The following GM2A variants were observed in gnomAD, a reference collection of about 807,000 sequenced individuals.
GM2A encodes GM2 ganglioside activator.
Under a neutral mutation model 12.9 loss-of-function variants are expected in GM2A, and 7 were observed. The ratio of observed to expected loss-of-function variants is 0.54; its 90% CI spans 0.31 to 1.02. GM2A has a LOEUF of 1.02. Among genes scored for constraint, GM2A ranks in the 50% least tolerant of loss-of-function variants. GM2A has a pLI of 0.05. For synonymous variants in GM2A, 101 were observed against 96.0 expected, an observed-to-expected ratio of 1.05 and a Z score of -0.30; for missense variants, 246 against 241.0, an observed-to-expected ratio of 1.02 and a Z score of -0.14.
chr5:151,269,288 G>A lies in GM2A; in HGVS notation c.*1837G>A. The A allele has an allele frequency of 1.3e-5, 13 of 985,502 alleles. No homozygotes were observed. Among genetic ancestry groups the A allele is most frequent in the Non-Finnish European group, 1.6e-5 (13 of 830,006 alleles). 61.0% of individuals were successfully genotyped at this position (985,502 alleles called of 1,614,324 possible). ...GCATATTTCACTGATCACATCTCAG[G>A]ATTTCAAAAGCATTTTTGGGGTGGG... is the stretch of plus-strand genomic sequence containing the variant. On this transcript the variant is annotated 3_prime_UTR_variant, in exon 4 of 4. Transcript: ENST00000357164.
rs1450801232 is a variant in GM2A, at chr5:151,267,980, A to G, written c.*529A>G. On this transcript the variant is annotated 3_prime_UTR_variant, in exon 4 of 4. Transcript: ENST00000357164. ...TTTCCTTTCTAGATTTGCCCAATTAATACTAGGGTGCAGTGTATCCTGGAG... is the reference window on the plus strand; with the variant it reads ...TTTCCTTTCTAGATTTGCCCAATTAGTACTAGGGTGCAGTGTATCCTGGAG... The G allele has an allele frequency of 8.9e-7, 1 of 1,117,704 alleles. No homozygotes were observed. Among genetic ancestry groups the G allele is most frequent in the African/African-American group, 1.6e-5 (1 of 60,868 alleles). 69.2% of individuals were successfully genotyped at this position (1,117,704 alleles called of 1,614,324 possible).
In GM2A at chr5:151,267,426, TC is replaced by T; in HGVS notation, c.558del (p.Ile186MetfsTer5). 1 of 1,614,128 alleles carries T rather than the reference TC, an allele frequency of 6.2e-7. No individual in the cohort carries two copies. Among genetic ancestry groups the T allele is most frequent in the Non-Finnish European group, 8.5e-7 (1 of 1,180,012 alleles). On this transcript the variant is annotated frameshift_variant, in exon 4 of 4. Coordinates refer to ENST00000357164, the MANE Select transcript of GM2A (RefSeq NM_000405.5). LOFTEE classifies it high-confidence loss of function. ...GGGAAGCGTCTGGGCTGCATCAAGA[TC>T]GCTGCCTCTCTAAAGGGCATATAAC... ...SSGKRLGCIK[I>X]AASLKGI
chr5:151,268,534 C>T lies in GM2A; in HGVS notation c.*1083C>T. On this transcript the variant is annotated 3_prime_UTR_variant, in exon 4 of 4. Transcript: ENST00000357164. The stretch of plus-strand genomic sequence containing the variant: ...GTCACAGCACATGTGCCCATTGATA[C>T]AAGGCTGCTGAGGCCTGGTCTCCAG... 1 of 985,390 alleles carries T rather than the reference C, an allele frequency of 1.0e-6. No individual in the cohort carries two copies. The highest frequency in any genetic ancestry group is 1.2e-6 in the Non-Finnish European group (1 of 829,918). The allele number at this position is 985,390 out of a possible 1,614,324, so 61.0% of individuals were successfully genotyped here. A position where few individuals can be genotyped will look rare whatever the true frequency, so the allele number is the denominator to read the frequency against.
chr5:151,266,293 A>C (rs577164084), intron 2 of GM2A, among the ~76,000 whole-genome samples: 2 of 152,244 alleles, frequency 1.3e-5, no homozygotes, highest in Admixed American at 6.5e-5. Flanking sequence ...AGCCTGGGCA[A>C]CAAAGTGAGA....
chr5:151,257,020 G>T (rs1753702741), intron 1 of GM2A, among the ~76,000 whole-genome samples: 1 of 152,154 alleles, frequency 6.6e-6, no homozygotes, highest in Non-Finnish European at 1.5e-5. Context: ...TAATAAATGA[G>T]GAAATTTTGA....
intron 2 of GM2A, among the ~76,000 whole-genome samples, chr5:151,265,028 G>A (rs248467): frequency 0.4 from 60,583 of 151,452 alleles, 12,709 homozygotes; most frequent in African/African-American, 0.54. Flanking sequence ...GAGAGATTAA[G>A]TAACTCACCC....
intron 1 of GM2A, among the ~76,000 whole-genome samples, chr5:151,255,400 C>G (rs1703786878): frequency 6.6e-6 from 1 of 152,184 alleles, no homozygotes; most frequent in African/African-American, 2.4e-5. Flanking sequence ...GGGATAGGTC[C>G]AACCCTGATC....
rs1214172953 is a variant in GM2A, at chr5:151,270,383, AAC to A, written c.*2936_*2937del. On this transcript the variant is annotated 3_prime_UTR_variant, in exon 4 of 4. Coordinates refer to ENST00000357164, the MANE Select transcript of GM2A (RefSeq NM_000405.5). ...GAAGATAATAAAAATGCTTAGTAAAAACACAATAAAATCAAATGACTGGGAGA... is the reference window on the plus strand; with the variant it reads ...GAAGATAATAAAAATGCTTAGTAAAAACAATAAAATCAAATGACTGGGAGA... The A allele has an allele frequency of 2.5e-6, 1 of 398,670 alleles. No individual in the cohort carries two copies. The highest frequency in any genetic ancestry group is 2.1e-5 in the African/African-American group (1 of 48,766). 24.7% of individuals were successfully genotyped at this position (398,670 alleles called of 1,614,324 possible).
intron 2 of GM2A, among the ~76,000 whole-genome samples, chr5:151,266,214 C>T (rs1753882267): frequency 6.6e-6 from 1 of 152,148 alleles, no homozygotes; most frequent in African/African-American, 2.4e-5. Context: ...CATGATGGCT[C>T]ACGCCTGTAA....
Position 151,267,410 on chromosome 5 carries a change from C to T in GM2A, c.541C>T (p.Leu181=), listed in dbSNP as rs1311705946. The change falls in exon 4 of 4, where the codon CTG becomes TTG. Residue 181 remains leucine (L), a synonymous_variant. Coordinates refer to ENST00000357164, the MANE Select transcript of GM2A (RefSeq NM_000405.5). ...ESVLSSSGKR[L]GCIKIAASLK... ...CGTCCTGAGCAGCAGTGGGAAGCGT[C>T]TGGGCTGCATCAAGATCGCTGCCTC... 1 of 1,614,080 alleles carries T rather than the reference C, an allele frequency of 6.2e-7. No homozygotes were observed. The highest frequency in any genetic ancestry group is 1.3e-5 in the African/African-American group (1 of 74,928).
intron 2 of GM2A, among the ~76,000 whole-genome samples, chr5:151,262,008 G>T (rs1753807641): frequency 6.6e-6 from 1 of 152,096 alleles, no homozygotes; most frequent in African/African-American, 2.4e-5. Flanking sequence ...GATACATTTT[G>T]CCAAAGTGCC....
At chr5:151,259,520 A>G (rs1039483615) in intron 1 of GM2A, among the ~76,000 whole-genome samples, 35 of 152,160 alleles carry the variant, frequency 2.3e-4, no homozygotes, top group African/African-American at 7.7e-4. Context: ...ATAGTTTACA[A>G]TACACTTTTG....
At position 151,270,134 on chromosome 5, in the gene GM2A, G is replaced by A; in HGVS notation, c.*2683G>A. 8.1e-7 allele frequency: 1 copy of A among 1,229,810 alleles called. No homozygotes were observed. The highest frequency in any genetic ancestry group is 1.0e-6 in the Non-Finnish European group (1 of 986,518). The allele number at this position is 1,229,810 out of a possible 1,614,324, so 76.2% of individuals were successfully genotyped here. A position where few individuals can be genotyped will look rare whatever the true frequency, so the allele number is the denominator to read the frequency against. On this transcript the variant is annotated 3_prime_UTR_variant, in exon 4 of 4. Transcript: ENST00000357164. ...GGTGGGGGATGAGGAGTTAAAGGTG[G>A]CATCTTCAATCGCAGGTCAAAGCAG...
At position 151,267,702 on chromosome 5, in the gene GM2A, C is replaced by T. The variant is rs1753921523; in HGVS notation, c.*251C>T. On this transcript the variant is annotated 3_prime_UTR_variant, in exon 4 of 4. Transcript: ENST00000357164. Reference sequence around the variant, plus strand: ...CATCTGCTGGGCTGACCACGTTACTCATCCCCGTTAACATTCTCTCTAAAG... The same window carrying T: ...CATCTGCTGGGCTGACCACGTTACTTATCCCCGTTAACATTCTCTCTAAAG... The T allele has an allele frequency of 7.0e-7, 1 of 1,422,482 alleles. No homozygotes were observed. Among genetic ancestry groups the T allele is most frequent in the Non-Finnish European group, 9.3e-7 (1 of 1,076,774 alleles). The allele number at this position is 1,422,482 out of a possible 1,614,324, so 88.1% of individuals were successfully genotyped here. A position where few individuals can be genotyped will look rare whatever the true frequency, so the allele number is the denominator to read the frequency against.
intron 1 of GM2A, among the ~76,000 whole-genome samples, chr5:151,256,562 C>T (rs985597766): frequency 7.4e-5 from 11 of 148,614 alleles, no homozygotes; most frequent in East Asian, 4.0e-4. Flanking sequence ...GCTGAGATCA[C>T]GCTGCTGCAC....
At chr5:151,258,330 A>G (rs1040364032) in intron 1 of GM2A, among the ~76,000 whole-genome samples, 6 of 152,232 alleles carry the variant, frequency 3.9e-5, no homozygotes, top group Admixed American at 1.3e-4. Flanking sequence ...CGCCCTTGCA[A>G]CATCCTGGAG....
rs1048634178 is a variant in GM2A, at chr5:151,270,279, A to G, written c.*2828A>G. 2 of 422,832 alleles carry G rather than the reference A, an allele frequency of 4.7e-6. No individual in the cohort carries two copies. The highest frequency in any genetic ancestry group is 8.1e-6 in the Non-Finnish European group (2 of 248,340). The allele number at this position is 422,832 out of a possible 1,614,324, so 26.2% of individuals were successfully genotyped here. ...CTGGATCCAGGATCCAAATGTAAGA[A>G]AATGAAGCCATATAAATACAGAAGG... On this transcript the variant is annotated 3_prime_UTR_variant, in exon 4 of 4. Transcript: ENST00000357164.
At chr5:151,260,015 C>G (rs760694909) in intron 2 of GM2A, 99 bp downstream of exon 2, 50 of 843,956 alleles carry the variant, frequency 5.9e-5, no homozygotes, top group Non-Finnish European at 8.4e-5. Context: ...ATTTCAGAAT[C>G]CTGGATTCCC....
At chr5:151,257,972 C>T (rs1041554332) in intron 1 of GM2A, among the ~76,000 whole-genome samples, 1 of 152,228 alleles carries the variant, frequency 6.6e-6, no homozygotes, top group Non-Finnish European at 1.5e-5. Context: ...ACGGTAAGCT[C>T]CTCAAGGCAG....
Sources: allele counts gnomAD v4.1 joint callset (sites outside exome capture counted in the v4.1 genomes callset), GRCh38; gene constraint gnomAD v4.1.1; transcripts MANE v1.5; gene names NCBI Gene and HGNC (gene_info 2026-07-23, HGNC 2026-07-21).